PTPRZ1: variants seen among roughly 807,000 people sequenced by gnomAD.
PTPRZ1 encodes the protein receptor-type tyrosine-protein phosphatase zeta.
A neutral mutation model predicts 214.1 loss-of-function variants in PTPRZ1; 82 were observed. That is an observed-to-expected ratio of 0.38 (90% CI 0.32 to 0.46). The LOEUF is 0.46. Ranked by LOEUF, PTPRZ1 falls within the 20% of genes least tolerant of loss-of-function variation. The pLI is 1.00. For synonymous variants in PTPRZ1, 945 were observed against 987.9 expected (o/e 0.96, Z 0.81); for missense variants, 2,603 against 2,748.7 (o/e 0.95, Z 1.19).
intron 13 of PTPRZ1, among the ~76,000 whole-genome samples, chr7:122,021,238 T>C (rs1799008024): frequency 1.3e-5 from 2 of 152,204 alleles, no homozygotes; most frequent in Admixed American, 6.5e-5. Flanking sequence ...TTTAATACAA[T>C]TTGATATTTC....
In PTPRZ1 at chr7:121,921,731, C is replaced by G. The variant is rs570369718; in HGVS notation, c.59-6425C>G. Reference sequence around the variant, plus strand: ...TTGAAGAGAGGAGGAAACCAAAACTCTGCTTCCTAACACTGGAAGGTAGTT... The same window carrying G: ...TTGAAGAGAGGAGGAAACCAAAACTGTGCTTCCTAACACTGGAAGGTAGTT... On this transcript the variant is annotated intron_variant, in intron 1 of 29. Coordinates refer to ENST00000393386, the MANE Select transcript of PTPRZ1 (RefSeq NM_002851.3). 2.0e-5 allele frequency among the ~76,000 whole-genome samples: 3 copies of G among 152,216 alleles called. No individual in the cohort carries two copies. In the South Asian group the frequency reaches 6.2e-4, roughly 32 times the overall value.
chr7:122,033,317 G>A (rs564447730), intron 15 of PTPRZ1, among the ~76,000 whole-genome samples: 2 of 151,612 alleles, frequency 1.3e-5, no homozygotes, highest in Non-Finnish European at 2.9e-5. Context: ...AGGGAGATTG[G>A]GCCATTTGCT....
At chr7:121,936,592 C>T (rs10256876) in intron 2 of PTPRZ1, among the ~76,000 whole-genome samples, 45,327 of 151,994 alleles carry the variant, frequency 0.3, 6,971 homozygotes, top group South Asian at 0.37. Flanking sequence ...CAGATTCACT[C>T]AAAAGTTACG....
chr7:122,009,084 G>C (rs1798570786), intron 11 of PTPRZ1, among the ~76,000 whole-genome samples: 1 of 152,084 alleles, frequency 6.6e-6, no homozygotes, highest in African/African-American at 2.4e-5. Flanking sequence ...GAATCTGAGA[G>C]AGTAGCCATT....
intron 10 of PTPRZ1, among the ~76,000 whole-genome samples, chr7:122,002,635 A>G (rs1024711212): frequency 3.3e-5 from 5 of 152,230 alleles, no homozygotes; most frequent in Non-Finnish European, 7.3e-5. Context: ...TGTGATAGTT[A>G]TACATACCCT....
intron 1 of PTPRZ1, among the ~76,000 whole-genome samples, chr7:121,875,702 A>G (rs1794037080): frequency 6.6e-6 from 1 of 152,258 alleles, no homozygotes; most frequent in Non-Finnish European, 1.5e-5. Context: ...CCTTTTACAC[A>G]GTTGCCAACA....
intron 1 of PTPRZ1, chr7:121,908,909 C>G (rs1461026334): frequency 1.9e-6 from 1 of 515,474 alleles, no homozygotes. Context: ...TTCATTGGTG[C>G]CTGAATATCT....
chr7:121,908,472 G>T (rs756891859), intron 1 of PTPRZ1: 7 of 387,632 alleles, frequency 1.8e-5, no homozygotes, highest in Non-Finnish European at 2.5e-5. Flanking sequence ...TTTTGTTTGT[G>T]TTATATTTTA....
At chr7:122,016,060 T>A in intron 12 of PTPRZ1, among the ~76,000 whole-genome samples, 1 of 152,108 alleles carries the variant, frequency 6.6e-6, no homozygotes, top group Non-Finnish European at 1.5e-5. Flanking sequence ...CAGGATGTGT[T>A]CTTTAAAATA....
intron 1 of PTPRZ1, chr7:121,908,793 T>C (rs763623657): frequency 8.1e-6 from 4 of 491,456 alleles, no homozygotes. Flanking sequence ...CTCATCTTTC[T>C]GGGATAAATG....
chr7:121,968,632 A>G (rs994647101), intron 3 of PTPRZ1, among the ~76,000 whole-genome samples: 2 of 138,400 alleles, frequency 1.4e-5, no homozygotes, highest in South Asian at 2.3e-4. Context: ...TATTGAGCCT[A>G]TCTTTTTTTT....
chr7:122,018,990 G>T (rs1384997922), intron 12 of PTPRZ1, 134 bp from the exon 13 acceptor site: 10 of 791,866 alleles, frequency 1.3e-5, no homozygotes, highest in Non-Finnish European at 2.0e-5. Context: ...TATAATTGTA[G>T]ACATTCTTTG....
At chr7:122,015,841 AT>A (rs1798827454) in intron 12 of PTPRZ1, among the ~76,000 whole-genome samples, 1 of 152,038 alleles carries the variant, frequency 6.6e-6, no homozygotes, top group Non-Finnish European at 1.5e-5. Context: ...TGAATATGAC[AT>A]CCAACATTAT....
intron 2 of PTPRZ1, among the ~76,000 whole-genome samples, chr7:121,934,982 A>G (rs1012395371): frequency 6.6e-6 from 1 of 152,146 alleles, no homozygotes; most frequent in Non-Finnish European, 1.5e-5. Flanking sequence ...CACACACACA[A>G]AACAGATAAG....
intron 1 of PTPRZ1, among the ~76,000 whole-genome samples, chr7:121,904,342 A>G (rs980178856): frequency 2.0e-5 from 3 of 152,138 alleles, no homozygotes; most frequent in South Asian, 4.1e-4. Context: ...GAGGAGGACT[A>G]AGATGGATCG....
At chr7:122,009,402 A>G (rs1285855364) in intron 11 of PTPRZ1, among the ~76,000 whole-genome samples, 1 of 151,878 alleles carries the variant, frequency 6.6e-6, no homozygotes, top group East Asian at 1.9e-4. Context: ...ATAAATGACA[A>G]TTCTAACAAG....
chr7:122,004,155 G>C (rs1386932754), intron 10 of PTPRZ1, among the ~76,000 whole-genome samples: 1 of 152,134 alleles, frequency 6.6e-6, no homozygotes, highest in Non-Finnish European at 1.5e-5. Flanking sequence ...TTAAGGAAGA[G>C]GTTGCTAAAT....
intron 13 of PTPRZ1, among the ~76,000 whole-genome samples, chr7:122,021,094 T>C (rs1799002268): frequency 6.6e-6 from 1 of 152,140 alleles, no homozygotes; most frequent in Non-Finnish European, 1.5e-5. Flanking sequence ...CCAATTCTGC[T>C]TCATAGTAAA....
chr7:121,966,193 G>C (rs1480035946), intron 2 of PTPRZ1, among the ~76,000 whole-genome samples: 1 of 152,190 alleles, frequency 6.6e-6, no homozygotes, highest in Non-Finnish European at 1.5e-5. Context: ...TTTGTGATAT[G>C]CTAAGTATAA....
Sources: allele counts gnomAD v4.1 joint callset (sites outside exome capture counted in the v4.1 genomes callset), GRCh38; gene constraint gnomAD v4.1.1; transcripts MANE v1.5; gene names NCBI Gene and HGNC (gene_info 2026-07-23, HGNC 2026-07-21).